The following PRSS12 variants were observed in gnomAD, a reference collection of about 807,000 sequenced individuals.
PRSS12 encodes neurotrypsin.
In PRSS12, 85 loss-of-function variants were observed where a neutral mutation model predicts 104.4. The observed-to-expected ratio is 0.81, with a 90% CI of 0.68 to 0.98. The LOEUF is 0.98. Ranked by LOEUF, PRSS12 falls within the 50% of genes least tolerant of loss-of-function variation. The pLI, the probability that PRSS12 is intolerant of heterozygous loss-of-function variation, is 0.00. For synonymous variants in PRSS12, 454 were observed against 425.2 expected, an observed-to-expected ratio of 1.07 and a Z score of -0.83; for missense variants, 1,141 against 1,139.2, an observed-to-expected ratio of 1.00 and a Z score of -0.02.
At chr4:118,297,824 T>C (rs893220490) in intron 9 of PRSS12, among the ~76,000 whole-genome samples, 2 of 152,092 alleles carry the variant, frequency 1.3e-5, no homozygotes, top group African/African-American at 4.8e-5. Context: ...ATTCTCTCAG[T>C]CATTTAAAGA....
At chr4:118,302,226 G>A (rs1743420388) in intron 8 of PRSS12, among the ~76,000 whole-genome samples, 2 of 152,178 alleles carry the variant, frequency 1.3e-5, no homozygotes, top group African/African-American at 2.4e-5. Flanking sequence ...CTTACTGGTG[G>A]TATATTGCTC....
Position 118,331,912 on chromosome 4 carries a change from T to C in PRSS12, c.821-46A>G, listed in dbSNP as rs748096330. 4.3e-6 allele frequency: 7 copies of C among 1,610,346 alleles called. No individual in the cohort carries two copies. The East Asian group carries it at 8.9e-5, about 21-fold the overall frequency. On this transcript the variant is annotated intron_variant, in intron 3 of 12. Transcript: ENST00000296498. ...AATAAGCAAAACCTATGCATTTACA[T>C]TGATTGATAAGATTAGGTATATTCT...
At chr4:118,300,502 T>C (rs1039719119) in intron 8 of PRSS12, among the ~76,000 whole-genome samples, 6 of 152,144 alleles carry the variant, frequency 3.9e-5, no homozygotes, top group African/African-American at 1.2e-4. Context: ...ATTAATGAAA[T>C]AGTTATCAAA....
At chr4:118,340,053 T>C (rs1724161488) in intron 1 of PRSS12, among the ~76,000 whole-genome samples, 1 of 152,196 alleles carries the variant, frequency 6.6e-6, no homozygotes, top group South Asian at 2.1e-4. Context: ...AAATAGTGTC[T>C]ACATCAAAAA....
chr4:118,307,979 A>G (rs1007886058), intron 8 of PRSS12, among the ~76,000 whole-genome samples: 23 of 152,342 alleles, frequency 1.5e-4, no homozygotes, highest in Admixed American at 5.2e-4. Context: ...AAGAAGGGAG[A>G]GCAGTGACCT....
intron 11 of PRSS12, 131 bp downstream of exon 11, chr4:118,294,808 C>A: frequency 7.7e-7 from 1 of 1,292,148 alleles, no homozygotes; most frequent in South Asian, 1.2e-5. Flanking sequence ...CCTCATTCCA[C>A]AGGGCTGCTG....
chr4:118,351,379 A>G (rs1281795230), intron 1 of PRSS12, among the ~76,000 whole-genome samples: 1 of 152,118 alleles, frequency 6.6e-6, no homozygotes, highest in Non-Finnish European at 1.5e-5. Context: ...ACAAAATCCC[A>G]ACAATTCAAA....
intron 8 of PRSS12, 83 bp downstream of exon 8, chr4:118,308,353 T>G: frequency 6.4e-7 from 1 of 1,564,156 alleles, no homozygotes; most frequent in South Asian, 1.1e-5. Context: ...TCATTTTAAG[T>G]AAAAAGTAAC....
chr4:118,318,548 G>T lies in PRSS12; in HGVS notation c.980C>A (p.Ala327Asp). 1 of 1,613,824 alleles carries T rather than the reference G, an allele frequency of 6.2e-7. No homozygotes were observed. Among genetic ancestry groups the T allele is most frequent in the Non-Finnish European group, 8.5e-7 (1 of 1,179,914 alleles). The change falls in exon 5 of 13, where the codon GCC (alanine) becomes GAC (aspartate). Residue 327 changes from alanine to aspartate, a missense_variant. Physicochemically the swap from Ala to Asp is moderately radical, Grantham distance 126. Transcript: ENST00000296498. ...AAAATATGCCTGATGCCATGCTTTG[G>T]CAATGCCACTGAACAAATAAAAGAA... ...ICRQLGLSGI[A>D]KAWHQAYFGE...
In PRSS12 at chr4:118,303,958, A is replaced by G. The variant is rs56986141; in HGVS notation, c.1631+4478T>C. ...AATCCAAGCAACACAAACCCAACCCATTGGTCTAATTAAGAAATGAGAGCT... is the reference window on the plus strand; with the variant it reads ...AATCCAAGCAACACAAACCCAACCCGTTGGTCTAATTAAGAAATGAGAGCT... On this transcript the variant is annotated intron_variant, in intron 8 of 12. Transcript: ENST00000296498. 2.6e-5 allele frequency: 4 copies of G among 151,926 alleles called. No homozygotes were observed. The East Asian group carries it at 7.7e-4, about 29-fold the overall frequency. The allele number at this position is 151,926 out of a possible 1,614,324, so 9.4% of individuals were successfully genotyped here.
intron 3 of PRSS12, among the ~76,000 whole-genome samples, chr4:118,333,623 A>G (rs919767423): frequency 1.3e-5 from 2 of 152,196 alleles, no homozygotes; most frequent in African/African-American, 4.8e-5. Context: ...ACATGTATAC[A>G]TTTCTTAATA....
At chr4:118,320,800 G>A in intron 4 of PRSS12, among the ~76,000 whole-genome samples, 1 of 151,912 alleles carries the variant, frequency 6.6e-6, no homozygotes, top group Non-Finnish European at 1.5e-5. Context: ...AAATGCTTAG[G>A]GAATGCTCCG....
At chr4:118,296,186 T>C (rs1366183690) in intron 9 of PRSS12, among the ~76,000 whole-genome samples, 2 of 152,200 alleles carry the variant, frequency 1.3e-5, no homozygotes, top group South Asian at 2.1e-4. Flanking sequence ...ACAAAATGTA[T>C]GGAACATTAA....
intron 4 of PRSS12, among the ~76,000 whole-genome samples, chr4:118,320,184 T>C (rs894320078): frequency 6.6e-6 from 1 of 152,184 alleles, no homozygotes; most frequent in Non-Finnish European, 1.5e-5. Context: ...TTTATATTTT[T>C]AGTTTGTTTT....
intron 8 of PRSS12, among the ~76,000 whole-genome samples, chr4:118,304,572 T>C (rs563888307): frequency 6.6e-6 from 1 of 151,826 alleles, no homozygotes; most frequent in Admixed American, 6.6e-5. Context: ...AACAAACATG[T>C]TCAAAAACAA....
chr4:118,299,712 T>TAATAAAATAAAATAAAATA, intron 8 of PRSS12, among the ~76,000 whole-genome samples: 1 of 63,814 alleles, frequency 1.6e-5, no homozygotes, highest in Non-Finnish European at 3.3e-5. Context: ...ATAAATAAAA[T>TAATAAAATAAAATAAAATA]AAATAAAATA....
chr4:118,308,683 T>G (rs997388661), intron 7 of PRSS12, 106 bp from the exon 8 acceptor site: 11 of 1,454,170 alleles, frequency 7.6e-6, no homozygotes, highest in Non-Finnish European at 7.7e-6. Context: ...AGCTATAAAA[T>G]CAGATGGGAA....
At chr4:118,351,037 T>C (rs1297581685) in intron 1 of PRSS12, among the ~76,000 whole-genome samples, 2 of 152,200 alleles carry the variant, frequency 1.3e-5, no homozygotes, top group African/African-American at 2.4e-5. Context: ...ATTCTGTTCA[T>C]GAAACACAAG....
intron 2 of PRSS12, among the ~76,000 whole-genome samples, chr4:118,336,988 G>T (rs940867028): frequency 6.6e-6 from 1 of 151,990 alleles, no homozygotes; most frequent in Non-Finnish European, 1.5e-5. Context: ...TTACTCCTTC[G>T]TTCATCCTGA....
Sources: gnomAD v4.1 joint callset for allele counts (sites outside exome capture counted in the v4.1 genomes callset) on GRCh38, gnomAD v4.1.1 for gene constraint, MANE v1.5 for transcripts, NCBI Gene and HGNC (gene_info 2026-07-23, HGNC 2026-07-21) for gene names.